TRIM37: variants seen among roughly 807,000 people sequenced by gnomAD.
TRIM37 encodes E3 ubiquitin-protein ligase TRIM37.
Under a neutral mutation model 129.8 loss-of-function variants are expected in TRIM37, and 80 were observed. The observed-to-expected ratio is 0.62, with a 90% CI of 0.51 to 0.74. TRIM37 has a LOEUF of 0.74. Among genes scored for constraint, TRIM37 ranks in the 30% least tolerant of loss-of-function variants. The pLI is 0.00. For missense variants in TRIM37, 1,054 were observed against 1,176.5 expected, an observed-to-expected ratio of 0.90 and a Z score of 1.52; for synonymous variants, 389 against 387.1, an observed-to-expected ratio of 1.00 and a Z score of -0.06.
At chr17:59,058,362 C>T (rs1470420283) in intron 12 of TRIM37, among the ~76,000 whole-genome samples, 1 of 152,104 alleles carries the variant, frequency 6.6e-6, no homozygotes, top group East Asian at 1.9e-4. Context: ...AAGGAAACAA[C>T]AGACACTGGG....
At chr17:59,028,304 A>T (rs2037454110) in intron 19 of TRIM37, 111 bp downstream of exon 19, 1 of 978,556 alleles carries the variant, frequency 1.0e-6, no homozygotes, top group African/African-American at 1.6e-5. Context: ...TGTAATTTGT[A>T]GTCTTAACTC....
At position 58,998,665 on chromosome 17, in the gene TRIM37, AG is replaced by A; in HGVS notation, c.*711del. The A allele has an allele frequency of 1.0e-6, 1 of 985,134 alleles. No individual in the cohort carries two copies. Among genetic ancestry groups the A allele is most frequent in the Non-Finnish European group, 1.2e-6 (1 of 829,624 alleles). 61.0% of individuals were successfully genotyped at this position (985,134 alleles called of 1,614,324 possible). A position where few individuals can be genotyped will look rare whatever the true frequency, so the allele number is the denominator to read the frequency against. On this transcript the variant is annotated 3_prime_UTR_variant, in exon 24 of 24. Transcript: ENST00000262294. ...ATAGTAAGAGGCAGAAAAAAATGAA[AG>A]AATTTTAAATAATCTTACACGTGTC...
At chr17:59,061,446 A>G (rs2041484730) in intron 11 of TRIM37, among the ~76,000 whole-genome samples, 2 of 152,062 alleles carry the variant, frequency 1.3e-5, no homozygotes, top group South Asian at 4.1e-4. Context: ...TGAAGCAAAA[A>G]AAAATTTTAA....
chr17:59,028,946 G>T (rs1462948460), intron 18 of TRIM37, among the ~76,000 whole-genome samples: 1 of 151,998 alleles, frequency 6.6e-6, no homozygotes. Context: ...ACTCAAGTTC[G>T]AATTACACAT....
rs2043962660 is a variant in TRIM37, at chr17:59,088,360, T to C, written c.212A>G (p.Glu71Gly). Residue 71 changes from glutamate (E) to glycine (G), a missense_variant, in exon 4 of 24, where the codon GAA (glutamate) becomes GGA (glycine). Coordinates refer to ENST00000262294, the MANE Select transcript of TRIM37 (RefSeq NM_015294.6). ...RELVNCRWAE[E>G]VTQQLDTLQL... ...AAGAGTATCAAGCTGTTGTGTTACT[T>C]CTTCTGCCCAACGACAATTTACTAG... 1.2e-6 allele frequency: 2 copies of C among 1,613,996 alleles called. No homozygotes were observed. The highest frequency in any genetic ancestry group is 1.7e-6 in the Non-Finnish European group (2 of 1,179,922).
intron 7 of TRIM37, among the ~76,000 whole-genome samples, chr17:59,077,952 C>T (rs1395724935): frequency 2.7e-5 from 4 of 149,824 alleles, no homozygotes; most frequent in African/African-American, 9.9e-5. Flanking sequence ...GGCGAAACCC[C>T]ATCTCTACTA....
At chr17:59,037,557 C>CAAAAAAAAAAAA (rs58856834) in intron 17 of TRIM37, among the ~76,000 whole-genome samples, 1 of 74,030 alleles carries the variant, frequency 1.4e-5, no homozygotes, top group South Asian at 6.7e-4. Context: ...GACTCTGTCT[C>CAAAAAAAAAAAA]AAAAAAAAAA....
intron 14 of TRIM37, among the ~76,000 whole-genome samples, chr17:59,050,505 C>A (rs1482551659): frequency 6.6e-6 from 1 of 151,228 alleles, no homozygotes; most frequent in Non-Finnish European, 1.5e-5. Flanking sequence ...CCAGCTTGGG[C>A]AACATGGAGA....
chr17:58,969,142 GA>G, the TRIM37 span, among the ~76,000 whole-genome samples: 2 of 151,888 alleles, frequency 1.3e-5, no homozygotes, highest in Non-Finnish European at 2.9e-5. Flanking sequence ...CTTTCATTTT[GA>G]AAAAAATCAC....
intron 11 of TRIM37, 54 bp downstream of exon 11, chr17:59,062,513 A>T: frequency 7.1e-7 from 1 of 1,415,706 alleles, no homozygotes; most frequent in Non-Finnish European, 1.0e-6. Flanking sequence ...ATACTACAGA[A>T]CTCTGAAAGA....
At chr17:59,061,780 T>C (rs1332733962) in intron 11 of TRIM37, among the ~76,000 whole-genome samples, 1 of 152,062 alleles carries the variant, frequency 6.6e-6, no homozygotes, top group Non-Finnish European at 1.5e-5. Flanking sequence ...AACGAGACAA[T>C]GAAGGCTGAC....
At chr17:59,085,617 T>C (rs2043684430) in intron 4 of TRIM37, among the ~76,000 whole-genome samples, 2 of 152,178 alleles carry the variant, frequency 1.3e-5, no homozygotes, top group South Asian at 2.1e-4. Context: ...ACAGTCACTA[T>C]GGAAAACAGT....
At position 59,047,658 on chromosome 17, in the gene TRIM37, T is replaced by TA. The variant is rs769319132; in HGVS notation, c.1667+24dup. 3 of 1,607,696 alleles carry TA rather than the reference T, an allele frequency of 1.9e-6. No individual in the cohort carries two copies. The East Asian group carries it at 6.7e-5, about 36-fold the overall frequency. On this transcript the variant is annotated intron_variant, in intron 16 of 23. Transcript: ENST00000262294. Reference sequence around the variant, plus strand: ...TCTAATAATTACCACTTAAATGCTTTACAGTAGTAAAGTGGGAAACTCACA... The same window carrying TA: ...TCTAATAATTACCACTTAAATGCTTTAACAGTAGTAAAGTGGGAAACTCACA...
At chr17:59,041,732 C>T (rs1011193183) in intron 17 of TRIM37, 81 bp downstream of exon 17, 68 of 1,051,544 alleles carry the variant, frequency 6.5e-5, no homozygotes, top group Non-Finnish European at 9.7e-5. Context: ...CAGTGGCTAC[C>T]ACCTATTTAA....
intron 24 of TRIM37, among the ~76,000 whole-genome samples, chr17:58,991,372 C>T (rs2032388418): frequency 6.6e-6 from 1 of 151,452 alleles, no homozygotes; most frequent in Non-Finnish European, 1.5e-5. Context: ...CTTGTCTCTA[C>T]TAAAAATACA....
At chr17:58,985,529 C>T (rs570359557) in intron 24 of TRIM37, among the ~76,000 whole-genome samples, 1 of 152,306 alleles carries the variant, frequency 6.6e-6, no homozygotes, top group Admixed American at 6.5e-5. Flanking sequence ...TTTCCCCTTT[C>T]GCTTAGCCTC....
intron 13 of TRIM37, among the ~76,000 whole-genome samples, chr17:59,053,323 G>A (rs955955220): frequency 6.6e-6 from 1 of 152,158 alleles, no homozygotes; most frequent in Non-Finnish European, 1.5e-5. Flanking sequence ...CCAGAATCTT[G>A]AAATAAAAGG....
chr17:59,045,633 C>T (rs1299383969), intron 16 of TRIM37, among the ~76,000 whole-genome samples: 5 of 144,158 alleles, frequency 3.5e-5, no homozygotes, highest in Middle Eastern at 3.3e-3. Flanking sequence ...TGCGAAACTC[C>T]GTCACAAAAA....
downstream of TRIM37, among the ~76,000 whole-genome samples, chr17:58,979,057 C>G (rs1598716113): frequency 6.6e-6 from 1 of 152,320 alleles, no homozygotes; most frequent in East Asian, 1.9e-4. Context: ...AACTAACTTA[C>G]CCTTCAGGAC....
Sources: gnomAD v4.1 joint callset for allele counts (sites outside exome capture counted in the v4.1 genomes callset) on GRCh38, gnomAD v4.1.1 for gene constraint, MANE v1.5 for transcripts, NCBI Gene and HGNC (gene_info 2026-07-23, HGNC 2026-07-21) for gene names.